The following STX8 variants were observed in gnomAD, a reference collection of about 807,000 sequenced individuals.
STX8 encodes syntaxin 8.
A neutral mutation model predicts 37.5 loss-of-function variants in STX8; 23 were observed. The ratio of observed to expected loss-of-function variants is 0.61; its 90% confidence interval spans 0.44 to 0.87. STX8 has a LOEUF of 0.87. Among genes scored for constraint, STX8 ranks in the 40% least tolerant of loss-of-function variants. The pLI is 0.00. For missense variants in STX8, 313 were observed against 284.7 expected (o/e 1.10, Z -0.71); for synonymous variants, 115 against 99.1 (o/e 1.16, Z -0.95).
intron 3 of STX8, 50 bp downstream of exon 3, chr17:9,557,384 C>A (rs942210507): frequency 1.3e-6 from 2 of 1,513,676 alleles, no homozygotes; most frequent in South Asian, 2.3e-5. Context: ...TAAAATACGA[C>A]TGCTTTTCCT....
At chr17:9,319,842 T>A (rs2142202798) in intron 7 of STX8, among the ~76,000 whole-genome samples, 1 of 151,452 alleles carries the variant, frequency 6.6e-6, no homozygotes, top group South Asian at 2.1e-4. Flanking sequence ...TCCGAGCTAC[T>A]CGGGAGGCTG....
At chr17:9,364,430 T>C (rs1421197821) in intron 7 of STX8, among the ~76,000 whole-genome samples, 1 of 152,188 alleles carries the variant, frequency 6.6e-6, no homozygotes, top group Non-Finnish European at 1.5e-5. Flanking sequence ...AGAAGACATG[T>C]TTAAAAATAA....
chr17:9,559,760 ATT>A (rs60856219), intron 2 of STX8, among the ~76,000 whole-genome samples: 3 of 24,494 alleles, frequency 1.2e-4, no homozygotes, highest in Admixed American at 9.7e-4. Flanking sequence ...ATATATATAT[ATT>A]TTTTTTTTTT....
intron 7 of STX8, among the ~76,000 whole-genome samples, chr17:9,335,159 C>T (rs1004897528): frequency 6.6e-6 from 1 of 152,186 alleles, no homozygotes; most frequent in South Asian, 2.1e-4. Flanking sequence ...TTAGCTTAGA[C>T]TGTGTGATCC....
At chr17:9,467,601 G>T (rs1382361977) in intron 6 of STX8, among the ~76,000 whole-genome samples, 1 of 152,200 alleles carries the variant, frequency 6.6e-6, no homozygotes, top group African/African-American at 2.4e-5. Flanking sequence ...AGGAAACAGG[G>T]AAGAAAAGAA....
At chr17:9,470,043 T>C (rs1905782971) in intron 6 of STX8, 2 of 152,202 alleles carry the variant, frequency 1.3e-5, no homozygotes, top group Non-Finnish European at 2.9e-5. Context: ...ACCAAATTGG[T>C]TGACAGAACT....
At chr17:9,477,645 A>T (rs897094543) in intron 6 of STX8, among the ~76,000 whole-genome samples, 3 of 152,246 alleles carry the variant, frequency 2.0e-5, no homozygotes, top group Non-Finnish European at 2.9e-5. Context: ...ATGTAAATAA[A>T]ATACTGACTA....
chr17:9,494,067 G>A (rs1469537474), intron 5 of STX8, among the ~76,000 whole-genome samples: 1 of 151,474 alleles, frequency 6.6e-6, no homozygotes, highest in Non-Finnish European at 1.5e-5. Flanking sequence ...CCAGGCTGGA[G>A]TGCAGTGGCG....
At chr17:9,344,968 C>T (rs764561039) in intron 7 of STX8, among the ~76,000 whole-genome samples, 12 of 152,202 alleles carry the variant, frequency 7.9e-5, no homozygotes, top group South Asian at 6.2e-4. Context: ...TTTTAAAAAT[C>T]GGCAAAGTTT....
chr17:9,568,020 A>G (rs1464889399), intron 2 of STX8, among the ~76,000 whole-genome samples: 27 of 152,214 alleles, frequency 1.8e-4, no homozygotes, highest in Admixed American at 1.6e-3. Flanking sequence ...TGTAAAAACT[A>G]TAACTATTCT....
chr17:9,298,235 A>T (rs577373152), intron 7 of STX8, among the ~76,000 whole-genome samples: 2 of 151,414 alleles, frequency 1.3e-5, no homozygotes, highest in South Asian at 4.2e-4. Context: ...ATGGACAGTA[A>T]AAGTGTCAGT....
intron 7 of STX8, among the ~76,000 whole-genome samples, chr17:9,319,992 T>G (rs753845404): frequency 6.6e-6 from 1 of 150,504 alleles, no homozygotes; most frequent in Non-Finnish European, 1.5e-5. Context: ...AAAAGCAAAC[T>G]GGAAACTCTA....
At chr17:9,497,946 C>A (rs4791845) in intron 5 of STX8, among the ~76,000 whole-genome samples, 37,881 of 152,028 alleles carry the variant, frequency 0.25, 4,966 homozygotes, top group South Asian at 0.38. Context: ...AGACTCCTGG[C>A]CAATACTAGA....
chr17:9,575,809 C>T lies in STX8; in HGVS notation c.-1G>A. The T allele has an allele frequency of 1.9e-6, 3 of 1,541,176 alleles. No individual in the cohort carries two copies. Among genetic ancestry groups the T allele is most frequent in the Non-Finnish European group, 1.7e-6 (2 of 1,146,318 alleles). ...GGACTCACCAGGGGTCCGGTGCCAT[C>T]CTGCAGACTCCGCCCGCCGCTCGGA... is the stretch of plus-strand genomic sequence containing the variant. On this transcript the variant is annotated 5_prime_UTR_variant, in exon 1 of 8. Transcript: ENST00000306357.
At chr17:9,339,562 G>C (rs1454381387) in intron 7 of STX8, among the ~76,000 whole-genome samples, 1 of 152,128 alleles carries the variant, frequency 6.6e-6, no homozygotes, top group Non-Finnish European at 1.5e-5. Context: ...GCTGAGGCAG[G>C]GGAATTCCTT....
chr17:9,287,557 G>C (rs1299861577), intron 7 of STX8, among the ~76,000 whole-genome samples: 1 of 152,124 alleles, frequency 6.6e-6, no homozygotes, highest in African/African-American at 2.4e-5. Flanking sequence ...TAACAGCCAA[G>C]TTTCCACTCA....
chr17:9,539,498 T>C (rs560992999), intron 4 of STX8, among the ~76,000 whole-genome samples: 216 of 152,290 alleles, frequency 1.4e-3, no homozygotes, highest in African/African-American at 5.1e-3. Context: ...ACAGTAAATG[T>C]GTTGTGGTCA....
chr17:9,322,814 TAAAAAAA>T (rs59941529), intron 7 of STX8, among the ~76,000 whole-genome samples: 2 of 64,674 alleles, frequency 3.1e-5, no homozygotes, highest in African/African-American at 6.3e-5. Flanking sequence ...GTGCATTTGC[TAAAAAAA>T]AAAAAAAAAA....
At position 9,546,591 on chromosome 17, in the gene STX8, G is replaced by GT. The variant is rs386385626; in HGVS notation, c.213-1310dup. On this transcript the variant is annotated intron_variant, in intron 3 of 7. Transcript: ENST00000306357. ...TTTCTTGATGCAAACTACAAAAGTG[G>GT]TTTTTTTTTTTTTTTTTTTTTTTTG... Among the ~76,000 whole-genome samples the GT allele has an allele frequency of 1.3e-3, 70 of 52,222 alleles. 1 individual carries two copies. The highest frequency in any genetic ancestry group is 5.5e-3 in the African/African-American group (67 of 12,218). 34.3% of individuals were successfully genotyped at this position (52,222 alleles called of 152,430 possible). A position where few individuals can be genotyped will look rare whatever the true frequency, so the allele number is the denominator to read the frequency against.
Sources: allele counts gnomAD v4.1 joint callset (sites outside exome capture counted in the v4.1 genomes callset), GRCh38; gene constraint gnomAD v4.1.1; transcripts MANE v1.5; gene names NCBI Gene and HGNC (gene_info 2026-07-23, HGNC 2026-07-21).